The following TRPM3 variants were observed in gnomAD, a reference collection of about 807,000 sequenced individuals.
TRPM3 encodes transient receptor potential cation channel subfamily M member 3.
TRPM3 carries 77 observed loss-of-function variants against 181.2 expected under a neutral mutation model. That is an observed-to-expected ratio of 0.42 (90% CI 0.35 to 0.51). The LOEUF (loss-of-function observed/expected upper bound fraction) is 0.51, where lower values mean the gene tolerates loss of function less well. TRPM3 is among the 20% of genes least tolerant of loss of function. TRPM3 has a pLI of 0.01. For synonymous variants in TRPM3, 745 were observed against 796.4 expected, an observed-to-expected ratio of 0.94 and a Z score of 1.09; for missense variants, 1,759 against 2,196.7, an observed-to-expected ratio of 0.80 and a Z score of 3.98.
At chr9:71,401,061 G>C (rs1254921919) in intron 1 of TRPM3, among the ~76,000 whole-genome samples, 1 of 151,994 alleles carries the variant, frequency 6.6e-6, no homozygotes, top group Non-Finnish European at 1.5e-5. Flanking sequence ...GGCCAGGTGT[G>C]ATGGCATATG....
intron 3 of TRPM3, among the ~76,000 whole-genome samples, chr9:70,848,987 A>AG (rs1439967918): frequency 3.5e-5 from 1 of 28,498 alleles, no homozygotes; most frequent in African/African-American, 1.4e-4. Context: ...AAAAAAAAAA[A>AG]AAAAAAAAAA....
chr9:70,999,113 T>C lies in TRPM3; in HGVS notation c.177+122065A>G, dbSNP rs116792821. The stretch of plus-strand genomic sequence containing the variant: ...TTTCTTCAGTTCCAGTTGCCTTTCA[T>C]AGAAGAGAGCACACTGGGATGAAAG... On this transcript the variant is annotated intron_variant, in intron 1 of 25. Coordinates refer to ENST00000677713, the MANE Select transcript of TRPM3 (RefSeq NM_001366145.2). 9.6e-3 allele frequency among the ~76,000 whole-genome samples: 1,456 copies of C among 152,292 alleles called. 18 individuals are homozygous for C. Among genetic ancestry groups the C allele is most frequent in the African/African-American group, 0.033 (1,370 of 41,552 alleles).
intron 1 of TRPM3, among the ~76,000 whole-genome samples, chr9:71,286,995 T>TATATAATATACAAC (rs2085347565): frequency 1.4e-5 from 2 of 141,304 alleles, no homozygotes; most frequent in African/African-American, 5.3e-5. Flanking sequence ...ATAATTATAT[T>TATATAATATACAAC]ATATAATATA....
intron 11 of TRPM3, 113 bp from the exon 12 acceptor site, chr9:70,635,374 T>C (rs1198921767): frequency 8.8e-6 from 7 of 793,608 alleles, no homozygotes; most frequent in Non-Finnish European, 1.5e-5. Flanking sequence ...TTCATTAAGA[T>C]GGACCTTGTT....
intron 8 of TRPM3, among the ~76,000 whole-genome samples, chr9:70,692,532 C>T (rs1040291551): frequency 1.3e-5 from 2 of 152,150 alleles, no homozygotes; most frequent in African/African-American, 4.8e-5. Context: ...GATGAAAGTC[C>T]TAGGGAGAGG....
At chr9:70,623,616 C>A (rs7857237) in intron 14 of TRPM3, among the ~76,000 whole-genome samples, 9,058 of 152,174 alleles carry the variant, frequency 0.06, 737 homozygotes, top group African/African-American at 0.18. Context: ...CACCTTTACC[C>A]GATGTCATTA....
chr9:70,647,690 A>G (rs989273904), intron 9 of TRPM3, among the ~76,000 whole-genome samples: 34 of 152,178 alleles, frequency 2.2e-4, no homozygotes, highest in Admixed American at 1.4e-3. Context: ...AGCCCTTGAC[A>G]GAGCAATCAG....
intron 1 of TRPM3, among the ~76,000 whole-genome samples, chr9:71,442,800 C>T (rs181066982): frequency 2.2e-4 from 33 of 152,190 alleles, no homozygotes; most frequent in South Asian, 6.2e-4. Context: ...ATTTGTAATG[C>T]GAGACAGCAC....
chr9:70,769,918 G>A (rs948244267), intron 7 of TRPM3, among the ~76,000 whole-genome samples: 5 of 152,104 alleles, frequency 3.3e-5, no homozygotes, highest in African/African-American at 9.7e-5. Context: ...GTGACCAGGC[G>A]GTCTCCCCCA....
chr9:70,951,222 T>A (rs1345465764), intron 1 of TRPM3, among the ~76,000 whole-genome samples: 2 of 152,180 alleles, frequency 1.3e-5, no homozygotes, highest in African/African-American at 4.8e-5. Context: ...AGGTATAATA[T>A]TAAGAGGTAA....
intron 6 of TRPM3, chr9:70,811,314 G>T: frequency 7.6e-7 from 1 of 1,311,608 alleles, no homozygotes; most frequent in Non-Finnish European, 1.1e-6. Context: ...AAAGCAGATG[G>T]ATTACCCAAT....
At position 71,195,218 on chromosome 9, in the gene TRPM3, G is replaced by A. The variant is rs146203974; in HGVS notation, c.183+251435C>T. ...AAAGAAACTATCGACAGAGTGAACAGACAACCTACAGAATGGGAGAACATT... is the reference window on the plus strand; with the variant it reads ...AAAGAAACTATCGACAGAGTGAACAAACAACCTACAGAATGGGAGAACATT... On this transcript the variant is annotated intron_variant, in intron 1 of 24. Coordinates refer to the TRPM3 transcript ENST00000357533. Among the ~76,000 whole-genome samples the A allele has an allele frequency of 2.2e-4, 34 of 152,160 alleles. No homozygotes were observed. In the East Asian group the frequency reaches 6.4e-3, roughly 29 times the overall value.
intron 1 of TRPM3, among the ~76,000 whole-genome samples, chr9:71,402,138 T>C (rs2093352310): frequency 6.6e-6 from 1 of 152,228 alleles, no homozygotes; most frequent in Non-Finnish European, 1.5e-5. Flanking sequence ...CATGCAAGTC[T>C]ACACAGCCTG....
At chr9:71,126,509 C>T (rs1388624408), upstream of TRPM3, among the ~76,000 whole-genome samples, 1 of 152,048 alleles carries the variant, frequency 6.6e-6, no homozygotes, top group Admixed American at 6.6e-5. Context: ...AATATTAGAT[C>T]TCTTTATAGA....
intron 1 of TRPM3, among the ~76,000 whole-genome samples, chr9:70,909,521 G>A (rs990413130): frequency 2.6e-5 from 4 of 152,158 alleles, no homozygotes; most frequent in Non-Finnish European, 5.9e-5. Context: ...TAGTGTCAGG[G>A]AAAGAGGCAA....
intron 1 of TRPM3, among the ~76,000 whole-genome samples, chr9:71,250,637 G>C (rs1405926341): frequency 6.6e-6 from 1 of 152,128 alleles, no homozygotes; most frequent in African/African-American, 2.4e-5. Flanking sequence ...GGAGCGCTTT[G>C]GATTATAAAG....
Position 70,629,215 on chromosome 9 carries a change from C to CGGGGGGGGGGGG in TRPM3, c.1633-3710_1633-3699dup, listed in dbSNP as rs550040624. Among the ~76,000 whole-genome samples the CGGGGGGGGGGGG allele has an allele frequency of 2.9e-4, 3 of 10,174 alleles. 1 individual carries two copies. The highest frequency in any genetic ancestry group is 7.5e-4 in the Non-Finnish European group (3 of 4,002). 6.7% of individuals were successfully genotyped at this position (10,174 alleles called of 152,430 possible). A position where few individuals can be genotyped will look rare whatever the true frequency, so the allele number is the denominator to read the frequency against. On this transcript the variant is annotated intron_variant, in intron 12 of 25. Transcript: ENST00000677713. ...GGATAAATGATTCTGTGACCAGTGC[C>CGGGGGGGGGGGG]GGGGGGGGGGGGGGCCTGCGTTCTG...
chr9:70,557,875 C>G (rs1458795381), intron 22 of TRPM3, among the ~76,000 whole-genome samples: 1 of 152,198 alleles, frequency 6.6e-6, no homozygotes, highest in African/African-American at 2.4e-5. Flanking sequence ...CAGAGTCCTT[C>G]TAGTGGATAT....
At chr9:70,869,535 T>C (rs953824432) in intron 1 of TRPM3, among the ~76,000 whole-genome samples, 12 of 152,066 alleles carry the variant, frequency 7.9e-5, no homozygotes, top group Admixed American at 3.9e-4. Flanking sequence ...GTAGCATTTC[T>C]TTAAAGAGAA....
Sources: allele counts gnomAD v4.1 joint callset (sites outside exome capture counted in the v4.1 genomes callset), GRCh38; gene constraint gnomAD v4.1.1; transcripts MANE v1.5; gene names NCBI Gene and HGNC (gene_info 2026-07-23, HGNC 2026-07-21).